The following ADGRL3 variants were observed in gnomAD, a reference collection of about 807,000 sequenced individuals.
ADGRL3 encodes the protein adhesion G protein-coupled receptor L3.
ADGRL3 carries 62 observed loss-of-function variants against 153.5 expected under a neutral mutation model. The observed-to-expected ratio is 0.40, with a 90% CI of 0.33 to 0.50. The LOEUF (loss-of-function observed/expected upper bound fraction) is 0.50. Ranked by LOEUF, ADGRL3 falls within the 20% of genes least tolerant of loss-of-function variation. ADGRL3 has a pLI of 0.47. For missense variants in ADGRL3, 1,641 were observed against 1,859.4 expected (o/e 0.88, Z 2.16); for synonymous variants, 710 against 672.5 (o/e 1.06, Z -0.86).
Position 61,587,448 on chromosome 4 carries a change from A to T in ADGRL3, c.473+8A>T. On this transcript the variant is annotated splice_region_variant and intron_variant, in intron 5 of 26. Coordinates refer to ENST00000683033, the MANE Select transcript of ADGRL3 (RefSeq NM_001387552.1). ...TAAGATTATGTCTCAAAGGTATGAT[A>T]CTTCTAATATTCTTTTCTTTGTGCA... 2 of 1,580,742 alleles carry T rather than the reference A, an allele frequency of 1.3e-6. No homozygotes were observed. Among genetic ancestry groups the T allele is most frequent in the Non-Finnish European group, 1.7e-6 (2 of 1,151,668 alleles).
intron 5 of ADGRL3, among the ~76,000 whole-genome samples, chr4:61,614,177 G>C (rs186607776): frequency 1.3e-5 from 2 of 152,138 alleles, no homozygotes; most frequent in Admixed American, 6.6e-5. Flanking sequence ...AAAATTGTCT[G>C]TATACTGGAA....
intron 2 of ADGRL3, among the ~76,000 whole-genome samples, chr4:61,430,556 A>G (rs951970791): frequency 5.9e-5 from 9 of 152,166 alleles, no homozygotes; most frequent in Non-Finnish European, 1.0e-4. Context: ...TCTATTTTTC[A>G]TTCTTCTTTT....
At chr4:61,378,328 T>G (rs1470980499) in intron 1 of ADGRL3, among the ~76,000 whole-genome samples, 1 of 152,060 alleles carries the variant, frequency 6.6e-6, no homozygotes, top group African/African-American at 2.4e-5. Flanking sequence ...AGCCTACTCA[T>G]TTAGCCGTTC....
At chr4:61,236,569 A>T (rs1005172670) in intron 1 of ADGRL3, among the ~76,000 whole-genome samples, 35 of 151,994 alleles carry the variant, frequency 2.3e-4, no homozygotes, top group Admixed American at 3.9e-4. Context: ...TTCTAATAAG[A>T]TTTTTCTAAG....
chr4:61,562,586 A>G lies in ADGRL3; in HGVS notation c.260-24641A>G, dbSNP rs151049013. Among the ~76,000 whole-genome samples, 8 of 152,206 alleles carry G rather than the reference A, an allele frequency of 5.3e-5. No individual in the cohort carries two copies. The East Asian group carries it at 1.5e-3, about 29-fold the overall frequency. On this transcript the variant is annotated intron_variant, in intron 4 of 26. Coordinates refer to ENST00000683033, the MANE Select transcript of ADGRL3 (RefSeq NM_001387552.1). ...GGAGTAGATTCCATCTCAAGAAACT[A>G]CTTTGCTCATCCCCAAGAAGCAACT...
At chr4:61,418,030 C>G (rs945923859) in intron 2 of ADGRL3, among the ~76,000 whole-genome samples, 1 of 152,104 alleles carries the variant, frequency 6.6e-6, no homozygotes, top group South Asian at 2.1e-4. Flanking sequence ...GCAAAGAACT[C>G]TTTTTCTACT....
At chr4:61,603,186 C>T (rs377705785) in intron 5 of ADGRL3, among the ~76,000 whole-genome samples, 1 of 152,152 alleles carries the variant, frequency 6.6e-6, no homozygotes, top group African/African-American at 2.4e-5. Context: ...ACAGTATTTA[C>T]ATTAGTAATT....
rs1032510567 is a variant in ADGRL3, at chr4:61,267,217, T to C, written c.-240+65452T>C. On this transcript the variant is annotated intron_variant, in intron 1 of 26. Coordinates refer to ENST00000683033, the MANE Select transcript of ADGRL3 (RefSeq NM_001387552.1). ...CAAAATAAATGTCGAATGTAATGAA[T>C]TGCCAGAATGTGATATTTATGAAGC... Among the ~76,000 whole-genome samples the C allele has an allele frequency of 4.0e-5, 6 of 151,708 alleles. No individual in the cohort carries two copies. The South Asian group carries it at 1.2e-3, about 31-fold the overall frequency.
chr4:61,378,274 A>G (rs1029652838), intron 1 of ADGRL3, among the ~76,000 whole-genome samples: 9 of 151,994 alleles, frequency 5.9e-5, no homozygotes, highest in African/African-American at 2.2e-4. Context: ...GTTTTTGGCA[A>G]TTTTGTCCAG....
At chr4:62,028,913 G>A (rs772649886) in intron 22 of ADGRL3, 32 bp downstream of exon 22, 157 of 1,583,288 alleles carry the variant, frequency 9.9e-5, no homozygotes, top group East Asian at 4.7e-4. Context: ...GATAAATTCC[G>A]TTTATCAGTG....
chr4:61,507,679 G>A (rs1274660075), intron 3 of ADGRL3, among the ~76,000 whole-genome samples: 1 of 152,138 alleles, frequency 6.6e-6, no homozygotes, highest in Non-Finnish European at 1.5e-5. Context: ...GTGTTGAGAA[G>A]GGTGGATGGG....
intron 1 of ADGRL3, among the ~76,000 whole-genome samples, chr4:61,218,228 A>G (rs1416383519): frequency 6.6e-6 from 1 of 152,204 alleles, no homozygotes; most frequent in Non-Finnish European, 1.5e-5. Context: ...CAAATTTTTA[A>G]AAGAGGAAGA....
chr4:61,259,443 TAAATAAA>T (rs1451265471), intron 1 of ADGRL3, among the ~76,000 whole-genome samples: 1 of 150,688 alleles, frequency 6.6e-6, no homozygotes, highest in Non-Finnish European at 1.5e-5. Context: ...AATAAATAAA[TAAATAAA>T]TAAATAAATA....
At chr4:62,023,061 T>C (rs530088408) in intron 21 of ADGRL3, among the ~76,000 whole-genome samples, 1 of 152,228 alleles carries the variant, frequency 6.6e-6, no homozygotes, top group Non-Finnish European at 1.5e-5. Context: ...TTCTGGAAAG[T>C]ATTCACTATT....
At chr4:61,475,327 A>G (rs2098032943) in intron 2 of ADGRL3, among the ~76,000 whole-genome samples, 1 of 152,190 alleles carries the variant, frequency 6.6e-6, no homozygotes, top group African/African-American at 2.4e-5. Context: ...CAAAACCACT[A>G]TGTTAGCTCA....
chr4:62,065,484 G>T (rs1383639192), intron 25 of ADGRL3, among the ~76,000 whole-genome samples: 1 of 151,866 alleles, frequency 6.6e-6, no homozygotes, highest in Non-Finnish European at 1.5e-5. Flanking sequence ...CAAGTGACAG[G>T]TAATTGTGTC....
At chr4:61,491,033 T>C (rs1193307279) in intron 2 of ADGRL3, among the ~76,000 whole-genome samples, 2 of 152,162 alleles carry the variant, frequency 1.3e-5, no homozygotes, top group Non-Finnish European at 2.9e-5. Context: ...TCATACCAAA[T>C]ATATTAACAT....
At chr4:61,464,340 AG>A in intron 2 of ADGRL3, among the ~76,000 whole-genome samples, 1 of 152,328 alleles carries the variant, frequency 6.6e-6, no homozygotes, top group East Asian at 1.9e-4. Flanking sequence ...ATATGGCAAA[AG>A]GGTGAAACTC....
chr4:61,684,047 G>C (rs2095397115), intron 6 of ADGRL3, among the ~76,000 whole-genome samples: 1 of 152,096 alleles, frequency 6.6e-6, no homozygotes, highest in African/African-American at 2.4e-5. Context: ...AAACCATTTG[G>C]TATTTGCATG....
Sources: gnomAD v4.1 joint callset for allele counts (sites outside exome capture counted in the v4.1 genomes callset) on GRCh38, gnomAD v4.1.1 for gene constraint, MANE v1.5 for transcripts, NCBI Gene and HGNC (gene_info 2026-07-23, HGNC 2026-07-21) for gene names.